Variants in VAV3 observed in about 807,000 individuals in gnomAD.
VAV3 encodes vav guanine nucleotide exchange factor 3, also known as guanine nucleotide exchange factor VAV3.
In VAV3, 94 loss-of-function variants were observed where a neutral mutation model predicts 131.2. The observed-to-expected ratio is 0.72, with a 90% CI of 0.61 to 0.85. The LOEUF is 0.85. VAV3 is among the 40% of genes least tolerant of loss of function. The probability of loss-of-function intolerance (pLI) is 0.00; values close to 1 mark genes in which losing one functional copy is unlikely to be tolerated. For missense variants in VAV3, 939 were observed against 1,002.7 expected (o/e 0.94, Z 0.86); for synonymous variants, 349 against 342.0 (o/e 1.02, Z -0.22).
intron 9 of VAV3, 116 bp from the exon 10 acceptor site, chr1:107,760,995 CCTT>C (rs1664380194): frequency 5.2e-6 from 3 of 578,210 alleles, no homozygotes; most frequent in South Asian, 6.2e-5. Context: ...CCTTAACAAT[CCTT>C]CTCTGTAAAT....
chr1:107,604,185 A>AG (rs1652087831), intron 22 of VAV3, among the ~76,000 whole-genome samples: 4 of 152,186 alleles, frequency 2.6e-5, no homozygotes, highest in Admixed American at 2.6e-4. Context: ...TTTCAAAGCT[A>AG]GTCAATAATT....
intron 19 of VAV3, among the ~76,000 whole-genome samples, chr1:107,653,748 C>A (rs1359974420): frequency 6.6e-6 from 1 of 152,046 alleles, no homozygotes; most frequent in East Asian, 1.9e-4. Context: ...AGGAGGCTAA[C>A]TATGTGTCTT....
chr1:107,801,732 C>T (rs1381741786), intron 2 of VAV3, among the ~76,000 whole-genome samples: 2 of 152,256 alleles, frequency 1.3e-5, no homozygotes, highest in Middle Eastern at 3.4e-3. Flanking sequence ...GACCACAAGG[C>T]ACCCCTGGAG....
intron 22 of VAV3, among the ~76,000 whole-genome samples, chr1:107,606,192 T>C (rs1652255161): frequency 6.6e-6 from 1 of 152,216 alleles, no homozygotes; most frequent in Admixed American, 6.5e-5. Flanking sequence ...ATTCATAGTT[T>C]GGCTATGAAT....
At position 107,749,536 on chromosome 1, in the gene VAV3, C is replaced by T; in HGVS notation, c.1318G>A (p.Glu440Lys). The T allele has an allele frequency of 6.2e-7, 1 of 1,611,898 alleles. No homozygotes were observed. The highest frequency in any genetic ancestry group is 8.5e-7 in the Non-Finnish European group (1 of 1,179,304). ...IVCKRKGDNYEMKEIIDLQQY... is the reference protein window; with the variant it reads ...IVCKRKGDNYKMKEIIDLQQY... ...TGAAGATCTATTATTTCCTTCATTT[C>T]ATAGTTATCACCTTTTCTCTTACAT... The change falls in exon 14 of 27, where the codon GAA becomes AAA. Residue 440 changes from glutamate to lysine, a missense_variant. Coordinates refer to ENST00000370056, the MANE Select transcript of VAV3 (RefSeq NM_006113.5).
chr1:107,667,689 T>C (rs1657509876), intron 19 of VAV3, among the ~76,000 whole-genome samples: 1 of 151,996 alleles, frequency 6.6e-6, no homozygotes. Flanking sequence ...AAACCCTGTT[T>C]TCTACACAAA....
intron 1 of VAV3, among the ~76,000 whole-genome samples, chr1:107,891,423 A>C (rs1671306166): frequency 6.6e-6 from 1 of 152,188 alleles, no homozygotes; most frequent in Non-Finnish European, 1.5e-5. Context: ...CAAATGAAAT[A>C]CACACACACG....
chr1:107,786,956 C>G (rs1161128247), intron 2 of VAV3, among the ~76,000 whole-genome samples: 1 of 150,010 alleles, frequency 6.7e-6, no homozygotes, highest in Non-Finnish European at 1.5e-5. Flanking sequence ...CACTCATTTA[C>G]TCAAAAAATT....
At chr1:107,886,227 C>CTTGCCA (rs1479557749) in intron 1 of VAV3, among the ~76,000 whole-genome samples, 1 of 152,236 alleles carries the variant, frequency 6.6e-6, no homozygotes, top group Non-Finnish European at 1.5e-5. Flanking sequence ...ACACTAAGAA[C>CTTGCCA]TTGCCATGGA....
At chr1:107,912,971 G>A (rs899204548) in intron 1 of VAV3, among the ~76,000 whole-genome samples, 2 of 152,144 alleles carry the variant, frequency 1.3e-5, no homozygotes, top group Admixed American at 6.5e-5. Context: ...CCTATTTCTC[G>A]TTTATTTCTC....
intron 15 of VAV3, among the ~76,000 whole-genome samples, chr1:107,719,945 A>G (rs560396459): frequency 6.6e-6 from 1 of 152,338 alleles, no homozygotes; most frequent in South Asian, 2.1e-4. Flanking sequence ...CATTCTGAGC[A>G]AACTATCACA....
intron 2 of VAV3, among the ~76,000 whole-genome samples, chr1:107,803,362 A>G (rs1353174256): frequency 1.3e-5 from 2 of 151,836 alleles, no homozygotes; most frequent in Non-Finnish European, 2.9e-5. Context: ...TGAAGTCTTT[A>G]TATTTTTTGA....
At chr1:107,853,356 T>C (rs1199233928) in intron 2 of VAV3, among the ~76,000 whole-genome samples, 1 of 152,188 alleles carries the variant, frequency 6.6e-6, no homozygotes, top group Non-Finnish European at 1.5e-5. Context: ...ACAAGTGTTT[T>C]CCATTGTAAT....
At chr1:107,932,919 A>G (rs1185081599) in intron 1 of VAV3, among the ~76,000 whole-genome samples, 4 of 152,184 alleles carry the variant, frequency 2.6e-5, no homozygotes, top group Non-Finnish European at 5.9e-5. Context: ...GCCCAGTGAA[A>G]CTGATTTTGA....
At chr1:107,645,121 C>G (rs17019599) in intron 19 of VAV3, among the ~76,000 whole-genome samples, 55,554 of 151,852 alleles carry the variant, frequency 0.37, 11,273 homozygotes, top group East Asian at 0.6. Context: ...TAGCACACTA[C>G]TATAGGTATG....
At chr1:107,734,067 A>G (rs544000700) in intron 15 of VAV3, among the ~76,000 whole-genome samples, 1 of 152,346 alleles carries the variant, frequency 6.6e-6, no homozygotes, top group South Asian at 2.1e-4. Context: ...AACATTTTTA[A>G]AGAACAGAAT....
At chr1:107,681,654 C>CTT (rs66909735) in intron 19 of VAV3, among the ~76,000 whole-genome samples, 1 of 127,412 alleles carries the variant, frequency 7.8e-6, no homozygotes, top group African/African-American at 3.0e-5. Flanking sequence ...TAATGGAAAA[C>CTT]TTTTTTTTTT....
intron 9 of VAV3, among the ~76,000 whole-genome samples, chr1:107,761,506 C>G (rs955505976): frequency 6.6e-6 from 1 of 152,106 alleles, no homozygotes; most frequent in Non-Finnish European, 1.5e-5. Context: ...CCACCAATTT[C>G]CCCCAGTGGA....
chr1:107,869,186 C>G (rs958199844), intron 2 of VAV3, among the ~76,000 whole-genome samples: 1 of 152,114 alleles, frequency 6.6e-6, no homozygotes, highest in African/African-American at 2.4e-5. Flanking sequence ...ATTGATGAAA[C>G]CATCCAAACT....
Sources: gnomAD v4.1 joint callset for allele counts (sites outside exome capture counted in the v4.1 genomes callset) on GRCh38, gnomAD v4.1.1 for gene constraint, MANE v1.5 for transcripts, NCBI Gene and HGNC (gene_info 2026-07-23, HGNC 2026-07-21) for gene names.